Variants in PRKAR2B observed in about 807,000 individuals in gnomAD.
PRKAR2B encodes cAMP-dependent protein kinase type II-beta regulatory subunit.
PRKAR2B carries 14 observed loss-of-function variants against 49.9 expected under a neutral mutation model. The ratio of observed to expected loss-of-function variants is 0.28; its 90% CI spans 0.19 to 0.44. The LOEUF (loss-of-function observed/expected upper bound fraction) is 0.44. PRKAR2B is among the 20% of genes least tolerant of loss of function. PRKAR2B has a pLI of 1.00. For synonymous variants in PRKAR2B, 196 were observed against 197.7 expected (o/e 0.99, Z 0.07); for missense variants, 393 against 537.9 (o/e 0.73, Z 2.67).
At position 107,142,771 on chromosome 7, in the gene PRKAR2B, GT is replaced by G. The variant is rs796487348; in HGVS notation, c.587+1830del. 3.3e-3 allele frequency among the ~76,000 whole-genome samples: 487 copies of G among 145,838 alleles called. 1 individual carries two copies. The highest frequency in any genetic ancestry group is 5.1e-3 in the African/African-American group (203 of 39,898). On this transcript the variant is annotated intron_variant, in intron 5 of 10. Coordinates refer to ENST00000265717, the MANE Select transcript of PRKAR2B (RefSeq NM_002736.3). ...AAAAACAGCCCAAGATTTTTTGTTTGTTTTTTTTTTTTAAACAGTCTTGCTC... is the reference window on the plus strand; with the variant it reads ...AAAAACAGCCCAAGATTTTTTGTTTGTTTTTTTTTTTAAACAGTCTTGCTC...
intron 4 of PRKAR2B, among the ~76,000 whole-genome samples, chr7:107,129,436 G>T (rs1000392672): frequency 1.3e-5 from 2 of 152,146 alleles, no homozygotes; most frequent in Non-Finnish European, 2.9e-5. Flanking sequence ...CAGGAACTGT[G>T]TCTTTTGTAT....
chr7:107,118,396 A>G (rs1795319330), intron 2 of PRKAR2B, among the ~76,000 whole-genome samples: 1 of 152,200 alleles, frequency 6.6e-6, no homozygotes, highest in African/African-American at 2.4e-5. Flanking sequence ...TATTTAAAAA[A>G]GACATCTCTG....
At chr7:107,098,215 C>A (rs1731885020) in intron 2 of PRKAR2B, among the ~76,000 whole-genome samples, 1 of 152,136 alleles carries the variant, frequency 6.6e-6, no homozygotes, top group South Asian at 2.1e-4. Flanking sequence ...TTTCTTTTCA[C>A]TCTTTTTTCT....
chr7:107,140,699 A>T (rs1021770558), intron 4 of PRKAR2B, 148 bp from the exon 5 acceptor site: 16 of 510,148 alleles, frequency 3.1e-5, no homozygotes, highest in African/African-American at 3.1e-4. Context: ...GGTAAGAAAG[A>T]CTACTATGTA....
rs1796195412 is a variant in PRKAR2B, at chr7:107,161,448, G to A, written c.*1866G>A. ...ATAAATGCCACGTACATTATTTTCA[G>A]TATTGTTGGTTATATTTAAATTTTC... On this transcript the variant is annotated 3_prime_UTR_variant, in exon 11 of 11. Coordinates refer to ENST00000265717, the MANE Select transcript of PRKAR2B (RefSeq NM_002736.3). 6.6e-6 allele frequency: 1 copy of A among 152,566 alleles called. No individual in the cohort carries two copies. Among genetic ancestry groups the A allele is most frequent in the African/African-American group, 2.4e-5 (1 of 41,436 alleles). The allele number at this position is 152,566 out of a possible 1,614,324, so 9.5% of individuals were successfully genotyped here.
At chr7:107,099,734 G>T (rs1794921454) in intron 2 of PRKAR2B, among the ~76,000 whole-genome samples, 1 of 151,700 alleles carries the variant, frequency 6.6e-6, no homozygotes, top group African/African-American at 2.4e-5. Flanking sequence ...CGCCTCCTGG[G>T]TTCATGCCAT....
At chr7:107,092,257 G>A (rs751801368) in intron 2 of PRKAR2B, among the ~76,000 whole-genome samples, 4 of 149,460 alleles carry the variant, frequency 2.7e-5, no homozygotes, top group Non-Finnish European at 6.0e-5. Flanking sequence ...GTGTGTGTGT[G>A]TGTGTGTGTG....
At chr7:107,141,059 C>A in intron 5 of PRKAR2B, 106 bp downstream of exon 5, 3 of 741,376 alleles carry the variant, frequency 4.0e-6, no homozygotes, top group Non-Finnish European at 6.6e-6. Context: ...TTGTTATTGC[C>A]GCTACTCTTA....
At chr7:107,061,215 G>A (rs1794020945) in intron 1 of PRKAR2B, among the ~76,000 whole-genome samples, 1 of 151,656 alleles carries the variant, frequency 6.6e-6, no homozygotes, top group Non-Finnish European at 1.5e-5. Flanking sequence ...TTAATCATTT[G>A]TAGGCTTTTA....
At chr7:107,056,430 G>C (rs977868006) in intron 1 of PRKAR2B, among the ~76,000 whole-genome samples, 1 of 152,164 alleles carries the variant, frequency 6.6e-6, no homozygotes, top group Non-Finnish European at 1.5e-5. Context: ...TCACGATATT[G>C]ATTCTTCCTA....
intron 2 of PRKAR2B, among the ~76,000 whole-genome samples, chr7:107,119,838 G>A (rs1308066355): frequency 6.6e-6 from 1 of 152,222 alleles, no homozygotes; most frequent in African/African-American, 2.4e-5. Context: ...TCATATGTCA[G>A]TGAGGTTCTT....
chr7:107,111,084 C>T (rs182466664), intron 2 of PRKAR2B, among the ~76,000 whole-genome samples: 5 of 152,254 alleles, frequency 3.3e-5, no homozygotes, highest in Admixed American at 1.3e-4. Context: ...TCATCATAAG[C>T]GACTGAAGAG....
chr7:107,150,332 T>C (rs901208874), intron 6 of PRKAR2B, among the ~76,000 whole-genome samples: 1 of 152,130 alleles, frequency 6.6e-6, no homozygotes, highest in Non-Finnish European at 1.5e-5. Flanking sequence ...AAAAACATAG[T>C]TGTAGTTTCT....
At chr7:107,058,788 A>G (rs563592929) in intron 1 of PRKAR2B, among the ~76,000 whole-genome samples, 2 of 152,338 alleles carry the variant, frequency 1.3e-5, no homozygotes, top group African/African-American at 4.8e-5. Context: ...TACATTTTGA[A>G]CTAATTTGGT....
chr7:107,093,295 G>A (rs1794766465), intron 2 of PRKAR2B, among the ~76,000 whole-genome samples: 2 of 152,100 alleles, frequency 1.3e-5, no homozygotes, highest in Admixed American at 1.3e-4. Flanking sequence ...GAACTGCTGT[G>A]CTGTTTTCCA....
At chr7:107,121,146 A>G (rs1795380424) in intron 2 of PRKAR2B, among the ~76,000 whole-genome samples, 1 of 151,948 alleles carries the variant, frequency 6.6e-6, no homozygotes, top group Non-Finnish European at 1.5e-5. Flanking sequence ...ATCGATAGGT[A>G]CAATCCTTCT....
chr7:107,056,907 C>T (rs575471440), intron 1 of PRKAR2B, among the ~76,000 whole-genome samples: 7 of 152,266 alleles, frequency 4.6e-5, no homozygotes, highest in Admixed American at 1.3e-4. Context: ...ATGCACAGAA[C>T]GCACGTGCAC....
intron 2 of PRKAR2B, among the ~76,000 whole-genome samples, chr7:107,073,693 A>C (rs1464110238): frequency 6.6e-6 from 1 of 152,216 alleles, no homozygotes; most frequent in Non-Finnish European, 1.5e-5. Flanking sequence ...TTTAAACAAA[A>C]GAAAAAGAAA....
chr7:107,095,200 T>C (rs1794812838), intron 2 of PRKAR2B, among the ~76,000 whole-genome samples: 1 of 152,134 alleles, frequency 6.6e-6, no homozygotes, highest in Non-Finnish European at 1.5e-5. Context: ...GGTTTGTAGT[T>C]CTCCTTGAAG....
Sources: gnomAD v4.1 joint callset for allele counts (sites outside exome capture counted in the v4.1 genomes callset) on GRCh38, gnomAD v4.1.1 for gene constraint, MANE v1.5 for transcripts, NCBI Gene and HGNC (gene_info 2026-07-23, HGNC 2026-07-21) for gene names.